Variants in ZFYVE26 observed in about 807,000 individuals in gnomAD.
ZFYVE26 encodes zinc finger FYVE domain-containing protein 26.
Under a neutral mutation model 276.5 loss-of-function variants are expected in ZFYVE26, and 181 were observed. That is an observed-to-expected ratio of 0.65 (90% CI 0.58 to 0.74). The LOEUF (loss-of-function observed/expected upper bound fraction) is 0.74, where lower values mean the gene tolerates loss of function less well. Ranked by LOEUF, ZFYVE26 falls within the 30% of genes least tolerant of loss-of-function variation. The pLI, the probability that ZFYVE26 is intolerant of heterozygous loss-of-function variation, is 0.00. For synonymous variants in ZFYVE26, 1,129 were observed against 1,203.1 expected, an observed-to-expected ratio of 0.94 and a Z score of 1.27; for missense variants, 2,821 against 3,097.9, an observed-to-expected ratio of 0.91 and a Z score of 2.12.
chr14:67,745,607 A>G (rs1444357287), downstream of ZFYVE26, among the ~76,000 whole-genome samples: 1 of 152,136 alleles, frequency 6.6e-6, no homozygotes, highest in Non-Finnish European at 1.5e-5. Context: ...GCAAGAAAAC[A>G]GTTTAAGCTA....
Position 67,751,063 on chromosome 14 carries a change from C to T in ZFYVE26, c.7405G>A (p.Asp2469Asn). 1 of 1,614,238 alleles carries T rather than the reference C, an allele frequency of 6.2e-7. No homozygotes were observed. The highest frequency in any genetic ancestry group is 1.1e-5 in the South Asian group (1 of 91,084). Residue 2469 changes from aspartate to asparagine, a missense_variant, in exon 41 of 42, where the codon GAT becomes AAT. Asp to Asn is a conservative substitution (Grantham distance 23). Coordinates refer to ENST00000347230, the MANE Select transcript of ZFYVE26 (RefSeq NM_015346.4). ...ACAATTCCGCTCACCTTGTTGTCAT[C>T]ATTGTGTATTGCCTGGATCAGGCCC... is the stretch of plus-strand genomic sequence containing the variant. Reference protein sequence around the residue: ...LEGLIQAIHNDDNKVRAYLIC... With the variant: ...LEGLIQAIHNNDNKVRAYLIC...
downstream of ZFYVE26, among the ~76,000 whole-genome samples, chr14:67,743,058 G>A (rs972501915): frequency 3.3e-5 from 5 of 151,072 alleles, no homozygotes; most frequent in South Asian, 2.1e-4. Context: ...GGCTGGTCTC[G>A]AACTCCTGGG....
chr14:67,816,288 C>T (rs988367100), intron 1 of ZFYVE26, among the ~76,000 whole-genome samples: 5 of 152,186 alleles, frequency 3.3e-5, no homozygotes, highest in Admixed American at 6.5e-5. Flanking sequence ...CATAACTCTA[C>T]GTCCGTATTC....
At position 67,805,583 on chromosome 14, in the gene ZFYVE26, G is replaced by C. The variant is rs768003800; in HGVS notation, c.1053C>G (p.Phe351Leu). Residue 351 changes from phenylalanine to leucine, a missense_variant, in exon 7 of 42, where the codon TTC becomes TTG. Transcript: ENST00000347230. ...TALTLLKEED[F>L]PNLGCLLDRE... Reference sequence around the variant, plus strand: ...TATCAAGTAGGCAGCCAAGATTTGGGAAGTCTTCTTCTTTCAACAATGTTA... The same window carrying C: ...TATCAAGTAGGCAGCCAAGATTTGGCAAGTCTTCTTCTTTCAACAATGTTA... 2 of 1,614,218 alleles carry C rather than the reference G, an allele frequency of 1.2e-6. No individual in the cohort carries two copies. Among genetic ancestry groups the C allele is most frequent in the Admixed American group, 1.7e-5 (1 of 60,024 alleles).
Position 67,778,186 on chromosome 14 carries a change from G to T in ZFYVE26, c.4737C>A (p.Ser1579Arg). 6.2e-7 allele frequency: 1 copy of T among 1,614,134 alleles called. No homozygotes were observed. The highest frequency in any genetic ancestry group is 1.1e-5 in the South Asian group (1 of 91,086). Residue 1579 changes from serine to arginine, a missense_variant, in exon 24 of 42, where the codon AGC becomes AGA. Ser to Arg is a moderately radical substitution (Grantham distance 110). Transcript: ENST00000347230. ...LYPIPREHLI[S>R]LHQKHLLHLL... ...GGTGGAGAAGATGCTTTTGATGAAG[G>T]CTGATTAAATGTTCTCTTGGAATGG...
At chr14:67,807,076 GAA>G (rs2040196083) in intron 5 of ZFYVE26, among the ~76,000 whole-genome samples, 2 of 152,086 alleles carry the variant, frequency 1.3e-5, no homozygotes, top group Non-Finnish European at 2.9e-5. Flanking sequence ...CAAGTAGCTT[GAA>G]CCACAGGTGT....
Position 67,797,705 on chromosome 14 carries a change from G to A in ZFYVE26, c.2299C>T (p.Arg767Cys), listed in dbSNP as rs865826144. 15 of 1,614,060 alleles carry A rather than the reference G, an allele frequency of 9.3e-6. No individual in the cohort carries two copies. The highest frequency in any genetic ancestry group is 6.6e-5 in the South Asian group (6 of 91,082). The change falls in exon 12 of 42, where the codon CGC becomes TGC. Residue 767 changes from arginine to cysteine, a missense_variant. Arg to Cys is a radical substitution (Grantham distance 180). Transcript: ENST00000347230. ...CTCCTTCTTGTCCGACGACCCCGGC[G>A]GAGACTGGGGTGACGTGTGGCAGGC... ...YQPATRHPSL[R>C]RGRRTRRSQA...
intron 22 of ZFYVE26, among the ~76,000 whole-genome samples, chr14:67,780,662 C>T (rs987966489): frequency 6.6e-6 from 1 of 152,188 alleles, no homozygotes; most frequent in African/African-American, 2.4e-5. Context: ...CCAAACTCCA[C>T]CCAAGATATT....
Position 67,797,698 on chromosome 14 carries a change from C to A in ZFYVE26, c.2306G>T (p.Gly769Val), listed in dbSNP as rs1294548766. The A allele has an allele frequency of 1.2e-6, 2 of 1,614,188 alleles. No individual in the cohort carries two copies. Among genetic ancestry groups the A allele is most frequent in the Non-Finnish European group, 1.7e-6 (2 of 1,180,046 alleles). ...TGCCTGGCTCCTTCTTGTCCGACGA[C>A]CCCGGCGGAGACTGGGGTGACGTGT... ...PATRHPSLRR[G>V]RRTRRSQADG... The change falls in exon 12 of 42, where the codon GGT (glycine) becomes GTT (valine). Residue 769 changes from glycine (G) to valine (V), a missense_variant. Transcript: ENST00000347230.
chr14:67,732,236 A>G (rs890130906), intron 13 of ZFYVE26, among the ~76,000 whole-genome samples: 23 of 152,078 alleles, frequency 1.5e-4, no homozygotes, highest in Non-Finnish European at 2.5e-4. Flanking sequence ...CGGGAATTCC[A>G]TACCAGCCTG....
intron 13 of ZFYVE26, chr14:67,729,825 G>C: frequency 2.1e-6 from 1 of 474,438 alleles, no homozygotes; most frequent in Non-Finnish European, 4.2e-6. Context: ...ACTATCTGTT[G>C]AAATATAGAA....
intron 13 of ZFYVE26, among the ~76,000 whole-genome samples, chr14:67,731,101 T>G (rs904977131): frequency 6.6e-6 from 1 of 152,100 alleles, no homozygotes; most frequent in Non-Finnish European, 1.5e-5. Flanking sequence ...TAAATGTTAC[T>G]AAATAAATTT....
At chr14:67,771,424 T>A (rs1217101109) in intron 28 of ZFYVE26, among the ~76,000 whole-genome samples, 2 of 152,220 alleles carry the variant, frequency 1.3e-5, no homozygotes, top group Admixed American at 1.3e-4. Flanking sequence ...TTCATTCTAA[T>A]AGAAATATTA....
At position 67,806,601 on chromosome 14, in the gene ZFYVE26, T is replaced by G. The variant is rs375820273; in HGVS notation, c.961A>C (p.Lys321Gln). ...CTCAGGCAGTAGAAATAGGCCACTTTCCAAGCCTCGGCTGGGTTGGGATTG... is the reference window on the plus strand; with the variant it reads ...CTCAGGCAGTAGAAATAGGCCACTTGCCAAGCCTCGGCTGGGTTGGGATTG... ...FSNPNPAEAWKVAYFYCLSNN... is the reference protein window; with the variant it reads ...FSNPNPAEAWQVAYFYCLSNN... The change falls in exon 6 of 42, where the codon AAA becomes CAA. Residue 321 changes from lysine (K) to glutamine (Q), a missense_variant. Coordinates refer to ENST00000347230, the MANE Select transcript of ZFYVE26 (RefSeq NM_015346.4). The G allele has an allele frequency of 9.9e-5, 160 of 1,614,220 alleles. No homozygotes were observed. In the Middle Eastern group the frequency reaches 1.2e-3, roughly 12 times the overall value.
chr14:67,755,865 C>A, intron 36 of ZFYVE26, 83 bp downstream of exon 36: 1 of 1,532,816 alleles, frequency 6.5e-7, no homozygotes, highest in South Asian at 1.1e-5. Flanking sequence ...CAATGACAGT[C>A]TCATTCCCTC....
At chr14:67,739,812 G>A (rs983327018) in intron 13 of ZFYVE26, among the ~76,000 whole-genome samples, 1 of 152,288 alleles carries the variant, frequency 6.6e-6, no homozygotes, top group African/African-American at 2.4e-5. Flanking sequence ...TCTACATATG[G>A]ATATATAATC....
Position 67,766,368 on chromosome 14 carries a change from T to C in ZFYVE26, c.5870A>G (p.His1957Arg). Reference sequence around the variant, plus strand: ...GAGGCCCTTGGAGAGCCTGCAGCAGTGCTCAATCAGCTGGTGACCACAGGC... The same window carrying C: ...GAGGCCCTTGGAGAGCCTGCAGCAGCGCTCAATCAGCTGGTGACCACAGGC... ...SIACGHQLIE[H>R]CCRLSKGLTN... The change falls in exon 32 of 42, where the codon CAC becomes CGC. Residue 1957 changes from histidine (H) to arginine (R), a missense_variant. His to Arg is a conservative substitution (Grantham distance 29). Transcript: ENST00000347230. The C allele has an allele frequency of 6.2e-7, 1 of 1,612,946 alleles. No individual in the cohort carries two copies. Among genetic ancestry groups the C allele is most frequent in the South Asian group, 1.1e-5 (1 of 91,014 alleles).
chr14:67,792,033 C>T (rs1427155511), intron 14 of ZFYVE26, among the ~76,000 whole-genome samples: 4 of 141,420 alleles, frequency 2.8e-5, no homozygotes, highest in African/African-American at 7.9e-5. Context: ...GCACTCCAGC[C>T]TGGGTGAGAA....
Position 67,761,418 on chromosome 14 carries a change from A to C in ZFYVE26, c.6536T>G (p.Phe2179Cys). The C allele has an allele frequency of 6.2e-7, 1 of 1,614,134 alleles. No homozygotes were observed. Among genetic ancestry groups the C allele is most frequent in the South Asian group, 1.1e-5 (1 of 91,068 alleles). Reference sequence around the variant, plus strand: ...CCGCAGGCAGCTGTGCCTCACGTAGAAGCTGATGATGGCCAGGTTGGTGCT... The same window carrying C: ...CCGCAGGCAGCTGTGCCTCACGTAGCAGCTGATGATGGCCAGGTTGGTGCT... ...NYSTNLAIIS[F>C]YVRHSCLREA... is the part of the protein sequence containing the mutation. Residue 2179 changes from phenylalanine (F) to cysteine (C), a missense_variant, in exon 35 of 42, where the codon TTC becomes TGC. Transcript: ENST00000347230.
Sources: allele counts gnomAD v4.1 joint callset (sites outside exome capture counted in the v4.1 genomes callset), GRCh38; gene constraint gnomAD v4.1.1; transcripts MANE v1.5; gene names NCBI Gene and HGNC (gene_info 2026-07-23, HGNC 2026-07-21).